Variants in CDCA5 observed in about 807,000 individuals in gnomAD.
CDCA5 encodes the protein cell division cycle associated 5.
In CDCA5, 14 loss-of-function variants were observed where a neutral mutation model predicts 25.7. That is an observed-to-expected ratio of 0.54 (90% CI 0.36 to 0.85). The LOEUF is 0.85. Ranked by LOEUF, CDCA5 falls within the 40% of genes least tolerant of loss-of-function variation. The pLI is 0.01. For synonymous variants in CDCA5, 127 were observed against 128.7 expected (o/e 0.99, Z 0.09); for missense variants, 307 against 324.5 (o/e 0.95, Z 0.41).
intron 4 of CDCA5, among the ~76,000 whole-genome samples, chr11:65,082,707 C>T (rs1250726538): frequency 6.6e-6 from 1 of 152,078 alleles, no homozygotes; most frequent in Admixed American, 6.6e-5. Flanking sequence ...AGTGATCTGC[C>T]CGCCTCAGCC....
At position 65,083,555 on chromosome 11, in the gene CDCA5, A is replaced by G; in HGVS notation, c.142-5T>C. On this transcript the variant is annotated splice_polypyrimidine_tract_variant and splice_region_variant and intron_variant, in intron 2 of 5. Coordinates refer to ENST00000275517, the MANE Select transcript of CDCA5 (RefSeq NM_080668.4). ...GACTGCAGCCGCACTGGGTGTCTGGAGAAGAGGGATGAACGTGAGCTCAAC... is the reference window on the plus strand; with the variant it reads ...GACTGCAGCCGCACTGGGTGTCTGGGGAAGAGGGATGAACGTGAGCTCAAC... The G allele has an allele frequency of 6.2e-7, 1 of 1,614,114 alleles. No homozygotes were observed. The highest frequency in any genetic ancestry group is 8.5e-7 in the Non-Finnish European group (1 of 1,179,992).
chr11:65,082,370 A>G (rs1300284347), intron 4 of CDCA5, among the ~76,000 whole-genome samples: 1 of 151,872 alleles, frequency 6.6e-6, no homozygotes, highest in Non-Finnish European at 1.5e-5. Context: ...CAGACACTAA[A>G]CAAATTGCTA....
downstream of CDCA5, among the ~76,000 whole-genome samples, chr11:65,063,734 T>C (rs189315759): frequency 6.6e-6 from 1 of 152,350 alleles, no homozygotes; most frequent in African/African-American, 2.4e-5. Context: ...AGTGCCTTGA[T>C]GACAGAGGCC....
downstream of CDCA5, among the ~76,000 whole-genome samples, chr11:65,075,228 C>G (rs778160680): frequency 2.0e-5 from 3 of 152,016 alleles, no homozygotes; most frequent in Non-Finnish European, 2.9e-5. Flanking sequence ...GAAACCCCGT[C>G]TCTACTAAAA....
intron 1 of CDCA5, among the ~76,000 whole-genome samples, chr11:65,070,474 AT>A (rs772198870): frequency 2.0e-5 from 3 of 151,892 alleles, no homozygotes; most frequent in Non-Finnish European, 2.9e-5. Flanking sequence ...TAAACGATGA[AT>A]TTTTTTTTGA....
In CDCA5 at chr11:65,078,739, C is replaced by A; in HGVS notation, c.*368G>T. ...GGCCTATTTCCAAGCAGCCACCCCT[C>A]CCAACAAGAGCAGAGGTGCCTCTCA... On this transcript the variant is annotated 3_prime_UTR_variant, in exon 6 of 6. Transcript: ENST00000275517. 2.9e-6 allele frequency: 3 copies of A among 1,028,400 alleles called. No individual in the cohort carries two copies. The South Asian group carries it at 1.4e-4, about 47-fold the overall frequency. The allele number at this position is 1,028,400 out of a possible 1,614,324, so 63.7% of individuals were successfully genotyped here.
downstream of CDCA5, among the ~76,000 whole-genome samples, chr11:65,073,468 G>A (rs999019860): frequency 1.1e-4 from 16 of 152,290 alleles, 1 homozygote; most frequent in South Asian, 6.2e-4. Context: ...CAGGGGTGAC[G>A]CGTGAGCCAG....
At chr11:65,066,367 G>C in exon 7 of CDCA5, 1 of 1,186,528 alleles carries the variant, frequency 8.4e-7, no homozygotes, top group Non-Finnish European at 1.1e-6. Flanking sequence ...CCGAGGAGGT[G>C]TCCGACCTCT....
Position 65,077,860 on chromosome 11 carries a change from T to C in CDCA5, c.*1247A>G. 1.0e-6 allele frequency: 1 copy of C among 985,690 alleles called. No homozygotes were observed. The highest frequency in any genetic ancestry group is 4.7e-5 in the South Asian group (1 of 21,288). The allele number at this position is 985,690 out of a possible 1,614,324, so 61.1% of individuals were successfully genotyped here. ...CTGGCATTCTCTGTTATCCACCAGC[T>C]CCTCTGCACACCTCAGCGTCTACTT... is the stretch of plus-strand genomic sequence containing the variant. On this transcript the variant is annotated 3_prime_UTR_variant, in exon 6 of 6. Transcript: ENST00000275517.
chr11:65,065,452 T>C (rs1197773216), downstream of CDCA5, among the ~76,000 whole-genome samples: 1 of 152,062 alleles, frequency 6.6e-6, no homozygotes, highest in Non-Finnish European at 1.5e-5. Flanking sequence ...CACACCTGGC[T>C]ACTTTTTGTA....
In CDCA5 at chr11:65,077,459, G is replaced by A. The variant is rs1016912489; in HGVS notation, c.*1648C>T. Reference sequence around the variant, plus strand: ...ATAAAAGAAACACAGTCCATGAACAGGCAGAAACTCTTTAATCAGGCTTTT... The same window carrying A: ...ATAAAAGAAACACAGTCCATGAACAAGCAGAAACTCTTTAATCAGGCTTTT... On this transcript the variant is annotated 3_prime_UTR_variant, in exon 6 of 6. Coordinates refer to ENST00000275517, the MANE Select transcript of CDCA5 (RefSeq NM_080668.4). 15 of 985,350 alleles carry A rather than the reference G, an allele frequency of 1.5e-5. No individual in the cohort carries two copies. In the African/African-American group the frequency reaches 2.6e-4, roughly 17 times the overall value. The allele number at this position is 985,350 out of a possible 1,614,324, so 61.0% of individuals were successfully genotyped here.
In CDCA5 at chr11:65,078,903, T is replaced by C; in HGVS notation, c.*204A>G. On this transcript the variant is annotated 3_prime_UTR_variant, in exon 6 of 6. Transcript: ENST00000275517. Reference sequence around the variant, plus strand: ...AAGAGACAGGACACCAGTGAGTGGCTGGGCCAGGCGGCCCCATTTCCTAAA... The same window carrying C: ...AAGAGACAGGACACCAGTGAGTGGCCGGGCCAGGCGGCCCCATTTCCTAAA... The C allele has an allele frequency of 8.0e-7, 1 of 1,255,700 alleles. No homozygotes were observed. Among genetic ancestry groups the C allele is most frequent in the Non-Finnish European group, 1.0e-6 (1 of 1,001,800 alleles). 77.8% of individuals were successfully genotyped at this position (1,255,700 alleles called of 1,614,324 possible).
chr11:65,079,859 G>T, intron 4 of CDCA5, 72 bp from the exon 5 acceptor site: 1 of 1,196,060 alleles, frequency 8.4e-7, no homozygotes, highest in Non-Finnish European at 1.1e-6. Flanking sequence ...AGCCCGAGAA[G>T]ATTCAGGGTG....
At chr11:65,067,639 T>C in intron 4 of CDCA5, 1 of 1,287,714 alleles carries the variant, frequency 7.8e-7, no homozygotes, top group Non-Finnish European at 1.0e-6. Flanking sequence ...CGCTCCCATC[T>C]GCCCGCCCAG....
downstream of CDCA5, among the ~76,000 whole-genome samples, chr11:65,075,858 G>T (rs1947434537): frequency 6.6e-6 from 1 of 152,204 alleles, no homozygotes; most frequent in African/African-American, 2.4e-5. Flanking sequence ...GAGGGTCCAG[G>T]ACTGAGGCCT....
intron 2 of CDCA5, chr11:65,068,156 A>C (rs1285046755): frequency 2.5e-6 from 3 of 1,216,672 alleles, no homozygotes; most frequent in Admixed American, 2.3e-5. Context: ...GGAGAGGGTC[A>C]CGGCTGCTCA....
downstream of CDCA5, among the ~76,000 whole-genome samples, chr11:65,076,947 T>C (rs1376905740): frequency 6.6e-6 from 1 of 152,060 alleles, no homozygotes; most frequent in Non-Finnish European, 1.5e-5. Flanking sequence ...ACTTTCTTCC[T>C]CCTAGAAGAG....
In CDCA5 at chr11:65,078,761, C is replaced by T. The variant is rs554521739; in HGVS notation, c.*346G>A. 18 of 1,057,378 alleles carry T rather than the reference C, an allele frequency of 1.7e-5. No homozygotes were observed. The highest frequency in any genetic ancestry group is 1.9e-5 in the Non-Finnish European group (17 of 877,288). The allele number at this position is 1,057,378 out of a possible 1,614,324, so 65.5% of individuals were successfully genotyped here. ...CCTCCCAACAAGAGCAGAGGTGCCT[C>T]TCACCTCAACCCTCAGCCCTTTAAC... On this transcript the variant is annotated 3_prime_UTR_variant, in exon 6 of 6. Transcript: ENST00000275517.
downstream of CDCA5, among the ~76,000 whole-genome samples, chr11:65,062,749 T>C (rs1024912022): frequency 3.3e-5 from 5 of 152,260 alleles, no homozygotes; most frequent in African/African-American, 7.2e-5. Flanking sequence ...CTGGGCAACA[T>C]AGTGAGAATC....
Sources: gnomAD v4.1 joint callset for allele counts (sites outside exome capture counted in the v4.1 genomes callset) on GRCh38, gnomAD v4.1.1 for gene constraint, MANE v1.5 for transcripts, NCBI Gene and HGNC (gene_info 2026-07-23, HGNC 2026-07-21) for gene names.